Variants in MUL1 observed in about 807,000 individuals in gnomAD.
MUL1 encodes mitochondrial ubiquitin ligase activator of NFKB 1.
In MUL1, 30 loss-of-function variants were observed where a neutral mutation model predicts 34.1. The observed-to-expected ratio is 0.88, with a 90% confidence interval of 0.66 to 1.19. MUL1 has a LOEUF of 1.19. Among genes scored for constraint, MUL1 ranks in the 50% most tolerant of loss-of-function variants. MUL1 has a pLI of 0.00. For missense variants in MUL1, 419 were observed against 450.5 expected, an observed-to-expected ratio of 0.93 and a Z score of 0.63; for synonymous variants, 191 against 187.8, an observed-to-expected ratio of 1.02 and a Z score of -0.14.
intron 1 of MUL1, among the ~76,000 whole-genome samples, chr1:20,507,639 C>A (rs556563288): frequency 5.3e-5 from 8 of 152,196 alleles, no homozygotes; most frequent in Non-Finnish European, 1.0e-4. Context: ...CGCAGGTGTT[C>A]AATAAATATT....
Position 20,501,242 on chromosome 1 carries a change from G to T in MUL1, c.507C>A (p.Val169=). The change falls in exon 4 of 4, where the codon GTC becomes GTA. Residue 169 remains valine, a synonymous_variant. Transcript: ENST00000264198. The surrounding 1 kb of genome is among the most constrained non-coding windows in gnomAD (Gnocchi z 4.2). Reference sequence around the variant, plus strand: ...GCTCACCGCTGATGTAGTGGCCGATGACATCGGTGAAGGACTGAATCGAGG... The same window carrying T: ...GCTCACCGCTGATGTAGTGGCCGATTACATCGGTGAAGGACTGAATCGAGG... The part of the protein sequence containing the change: ...FHPSIQSFTD[V]IGHYISGERP... 1 of 1,614,186 alleles carries T rather than the reference G, an allele frequency of 6.2e-7. No homozygotes were observed. The highest frequency in any genetic ancestry group is 8.5e-7 in the Non-Finnish European group (1 of 1,180,042).
At chr1:20,502,336 G>C (rs1204141511) in intron 2 of MUL1, 147 bp from the exon 3 acceptor site, 1 of 1,080,364 alleles carries the variant, frequency 9.3e-7, no homozygotes. Flanking sequence ...ATCACTTGGG[G>C]CCACGAGTTT....
chr1:20,507,973 T>A lies in MUL1; in HGVS notation c.52A>T (p.Thr18Ser), dbSNP rs974857383. ...SLCQFILLGT[T>S]SVVTAALYSV... ...TACAGGGCGGCGGTGACCACAGAGG[T>A]GGTGCCCAGGAGGATGAACTGGCAC... is the stretch of plus-strand genomic sequence containing the variant. The change falls in exon 1 of 4, where the codon ACC becomes TCC. Residue 18 changes from threonine (T) to serine (S), a missense_variant. By Grantham distance (58) the Thr-to-Ser change is moderately conservative. Coordinates refer to ENST00000264198, the MANE Select transcript of MUL1 (RefSeq NM_024544.3). 6.3e-7 allele frequency: 1 copy of A among 1,593,436 alleles called. No homozygotes were observed. Among genetic ancestry groups the A allele is most frequent in the Admixed American group, 1.8e-5 (1 of 56,130 alleles).
In MUL1 at chr1:20,501,931, C is replaced by G; in HGVS notation, c.329+138G>C. On this transcript the variant is annotated intron_variant, in intron 3 of 3. Coordinates refer to ENST00000264198, the MANE Select transcript of MUL1 (RefSeq NM_024544.3). The surrounding 1 kb of genome is among the most constrained non-coding windows in gnomAD (Gnocchi z 4.2). ...ACATAGGAGGCCCACAGGCTACACA[C>G]AAGAATATGACCTGCATTAAGAGAC... 1 of 1,127,766 alleles carries G rather than the reference C, an allele frequency of 8.9e-7. No homozygotes were observed. Among genetic ancestry groups the G allele is most frequent in the Non-Finnish European group, 1.3e-6 (1 of 776,370 alleles). 69.9% of individuals were successfully genotyped at this position (1,127,766 alleles called of 1,614,324 possible).
intron 3 of MUL1, 23 bp downstream of exon 3, chr1:20,502,046 G>T: frequency 6.2e-7 from 1 of 1,612,518 alleles, no homozygotes; most frequent in Non-Finnish European, 8.5e-7. Flanking sequence ...AAGGGTTTTG[G>T]CCAGTGGAGA....
intron 1 of MUL1, 28 bp downstream of exon 1, chr1:20,507,877 C>T: frequency 6.3e-7 from 1 of 1,591,370 alleles, no homozygotes; most frequent in Non-Finnish European, 8.6e-7. Context: ...GATGACCCGG[C>T]TGAGGCCAGG....
chr1:20,500,990 G>A lies in MUL1; in HGVS notation c.759C>T (p.Ala253=), dbSNP rs200316161. The change falls in exon 4 of 4, where the codon GCC becomes GCT. Residue 253 remains alanine, a synonymous_variant. Transcript: ENST00000264198. ...GCTTCCGGAGAATGAAGAAGAGGGT[G>A]GCACATGTGGCAAAGCCAAAAACCA... is the stretch of plus-strand genomic sequence containing the variant. The part of the protein sequence containing the change: ...LALVFGFATC[A]TLFFILRKQY... The A allele has an allele frequency of 6.2e-7, 1 of 1,614,034 alleles. No individual in the cohort carries two copies. The highest frequency in any genetic ancestry group is 2.2e-5 in the East Asian group (1 of 44,878).
rs1395221737 is a variant in MUL1, at chr1:20,508,085, T to C, written c.-61A>G. ...AAGGATAGGCCTGGTGACCCCCGAC[T>C]CTCCACCTCCTTCCGACCAGGACCG... On this transcript the variant is annotated 5_prime_UTR_variant, in exon 1 of 4. Coordinates refer to ENST00000264198, the MANE Select transcript of MUL1 (RefSeq NM_024544.3). 1.3e-6 allele frequency: 2 copies of C among 1,546,994 alleles called. No individual in the cohort carries two copies.
intron 1 of MUL1, 26 bp downstream of exon 1, chr1:20,507,879 G>A: frequency 6.3e-7 from 1 of 1,592,644 alleles, no homozygotes. Context: ...TGACCCGGCT[G>A]AGGCCAGGCC....
chr1:20,507,508 C>G lies in MUL1; in HGVS notation c.120+397G>C, dbSNP rs1570337607. Among the ~76,000 whole-genome samples the G allele has an allele frequency of 1.3e-4, 20 of 152,332 alleles. No homozygotes were observed. The South Asian group carries it at 3.9e-3, about 30-fold the overall frequency. ...CATGTCCTCTCTCCCCTACCTTACTCTAAAGCATTGCTCACCATCTGTTAC... is the reference window on the plus strand; with the variant it reads ...CATGTCCTCTCTCCCCTACCTTACTGTAAAGCATTGCTCACCATCTGTTAC... On this transcript the variant is annotated intron_variant, in intron 1 of 3. Coordinates refer to ENST00000264198, the MANE Select transcript of MUL1 (RefSeq NM_024544.3).
chr1:20,501,563 T>TTGTTAGGAGGC lies in MUL1; in HGVS notation c.330-145_330-144insGCCTCCTAACA. On this transcript the variant is annotated intron_variant, in intron 3 of 3. Transcript: ENST00000264198. This position sits in a 1 kb window ranked among gnomAD's most constrained non-coding sequence, Gnocchi z 4.2. ...AAGATCACTATCTCCAGTTGCCTCC[T>TTGTTAGGAGGC]AACAAGGAGGCTCCATTTGTAGGTC... The TTGTTAGGAGGC allele has an allele frequency of 5.5e-6, 5 of 917,314 alleles. No individual in the cohort carries two copies. Among genetic ancestry groups the TTGTTAGGAGGC allele is most frequent in the Non-Finnish European group, 8.0e-6 (5 of 624,424 alleles). 56.8% of individuals were successfully genotyped at this position (917,314 alleles called of 1,614,324 possible).
chr1:20,507,925 G>A lies in MUL1; in HGVS notation c.100C>T (p.Arg34Trp), dbSNP rs2051733425. The A allele has an allele frequency of 6.3e-7, 1 of 1,596,514 alleles. No homozygotes were observed. Among genetic ancestry groups the A allele is most frequent in the African/African-American group, 1.3e-5 (1 of 74,902 alleles). Residue 34 changes from arginine (R) to tryptophan (W), a missense_variant, in exon 1 of 4, where the codon CGG becomes TGG. Coordinates refer to ENST00000264198, the MANE Select transcript of MUL1 (RefSeq NM_024544.3). ...CTGACCTTGAGCTCTTGGGAGACCC[G>A]GGCCTTCTGCCGGTACACGGAGTAC... ...ALYSVYRQKA[R>W]VSQELKGAKK...
In MUL1 at chr1:20,500,974, G is replaced by T; in HGVS notation, c.775C>A (p.Leu259Ile). 6.2e-7 allele frequency: 1 copy of T among 1,614,100 alleles called. No homozygotes were observed. Among genetic ancestry groups the T allele is most frequent in the Middle Eastern group, 1.6e-4 (1 of 6,062 alleles). ...FATCATLFFILRKQYLQRQER... is the reference protein window; with the variant it reads ...FATCATLFFIIRKQYLQRQER... ...TGCCGCTGCAGATACTGCTTCCGGA[G>T]AATGAAGAAGAGGGTGGCACATGTG... Residue 259 changes from leucine to isoleucine, a missense_variant, in exon 4 of 4, where the codon CTC (leucine) becomes ATC (isoleucine). Coordinates refer to ENST00000264198, the MANE Select transcript of MUL1 (RefSeq NM_024544.3).
rs149766481 is a variant in MUL1 at position 20,503,406 on chromosome 1, C to T, written c.121-97G>A. 7.5e-4 allele frequency: 527 copies of T among 700,150 alleles called. 4 individuals are homozygous for T. The African/African-American group carries it at 8.1e-3, about 11-fold the overall frequency. 43.4% of individuals were successfully genotyped at this position (700,150 alleles called of 1,614,324 possible). A position where few individuals can be genotyped will look rare whatever the true frequency, so the allele number is the denominator to read the frequency against. ...AAAAAGAAAAAGATTCTATTTTTTTCGTGTCAAGAGAATATGGAAATTGGA... is the reference window on the plus strand; with the variant it reads ...AAAAAGAAAAAGATTCTATTTTTTTTGTGTCAAGAGAATATGGAAATTGGA... On this transcript the variant is annotated intron_variant, in intron 1 of 3. Transcript: ENST00000264198.
intron 1 of MUL1, among the ~76,000 whole-genome samples, chr1:20,506,589 C>G (rs993060227): frequency 6.6e-6 from 1 of 152,186 alleles, no homozygotes; most frequent in African/African-American, 2.4e-5. Flanking sequence ...GTGGCTCACG[C>G]CTGTAATCCC....
chr1:20,505,064 G>A (rs976489998), intron 1 of MUL1, among the ~76,000 whole-genome samples: 2 of 152,140 alleles, frequency 1.3e-5, no homozygotes, highest in Non-Finnish European at 2.9e-5. Context: ...ACTGTGACTT[G>A]GGACAACTTC....
intron 1 of MUL1, among the ~76,000 whole-genome samples, chr1:20,507,001 G>A (rs1377848091): frequency 6.6e-6 from 1 of 150,908 alleles, no homozygotes; most frequent in Non-Finnish European, 1.5e-5. Context: ...GCCGAGGCGG[G>A]GAGATCACCC....
chr1:20,504,365 A>G (rs2051693252), intron 1 of MUL1, among the ~76,000 whole-genome samples: 1 of 152,222 alleles, frequency 6.6e-6, no homozygotes, highest in Non-Finnish European at 1.5e-5. Flanking sequence ...TCATTTCCTG[A>G]GCATCTTTGT....
rs2051668134 is a variant in MUL1 at position 20,502,134 on chromosome 1, C to T, written c.264G>A (p.Lys88=). 1 of 1,614,180 alleles carries T rather than the reference C, an allele frequency of 6.2e-7. No homozygotes were observed. Among genetic ancestry groups the T allele is most frequent in the Non-Finnish European group, 8.5e-7 (1 of 1,180,038 alleles). Residue 88 remains lysine (K), a synonymous_variant, in exon 3 of 4, where the codon AAG becomes AAA. Coordinates refer to ENST00000264198, the MANE Select transcript of MUL1 (RefSeq NM_024544.3). ...TLNSQFVENC[K]GVIQRLTLQE... The stretch of plus-strand genomic sequence containing the variant: ...GAAGTGTCAGCCGCTGAATTACCCC[C>T]TTGCAGTTTTCCACAAACTGGCTGT...
Sources: allele counts gnomAD v4.1 joint callset (sites outside exome capture counted in the v4.1 genomes callset), GRCh38; gene constraint gnomAD v4.1.1; non-coding constraint Gnocchi (gnomAD v3.1); transcripts MANE v1.5; gene names NCBI Gene and HGNC (gene_info 2026-07-23, HGNC 2026-07-21).